SAV1: variants seen among roughly 807,000 people sequenced by gnomAD.
SAV1 encodes protein salvador homolog 1.
In SAV1, 23 loss-of-function variants were observed where a neutral mutation model predicts 47.3. The observed-to-expected ratio is 0.49, with a 90% CI of 0.35 to 0.69. SAV1 has a LOEUF of 0.69. Among genes scored for constraint, SAV1 ranks in the 30% least tolerant of loss-of-function variants. SAV1 has a pLI of 0.01. For synonymous variants in SAV1, 155 were observed against 159.2 expected (o/e 0.97, Z 0.20); for missense variants, 448 against 457.4 (o/e 0.98, Z 0.19).
chr14:50,645,550 G>A (rs1253890808), intron 2 of SAV1, among the ~76,000 whole-genome samples: 7 of 151,564 alleles, frequency 4.6e-5, no homozygotes, highest in Non-Finnish European at 7.4e-5. Flanking sequence ...ATCTTATTAT[G>A]TACATACAAA....
At position 50,635,275 on chromosome 14, in the gene SAV1, A is replaced by G; in HGVS notation, c.1060T>C (p.Tyr354His). ...MKELEQIVKM[Y>H]EAYRQALLTE... ...AGAAGGGCTTGTCTGTATGCTTCAT[A>G]CATTTTAACAATCTGCTCCAATTCT... is the stretch of plus-strand genomic sequence containing the variant. Residue 354 changes from tyrosine (Y) to histidine (H), a missense_variant, in exon 5 of 5, where the codon TAT becomes CAT. Transcript: ENST00000324679. The G allele has an allele frequency of 2.5e-6, 4 of 1,614,164 alleles. No individual in the cohort carries two copies. The highest frequency in any genetic ancestry group is 3.4e-6 in the Non-Finnish European group (4 of 1,180,012).
At chr14:50,657,116 C>T (rs1482532771) in intron 2 of SAV1, among the ~76,000 whole-genome samples, 1 of 151,386 alleles carries the variant, frequency 6.6e-6, no homozygotes, top group Admixed American at 6.6e-5. Context: ...ACCCTCCACA[C>T]CGCGGGTTCC....
At chr14:50,651,958 T>G (rs185994306) in intron 2 of SAV1, among the ~76,000 whole-genome samples, 1 of 152,172 alleles carries the variant, frequency 6.6e-6, no homozygotes, top group African/African-American at 2.4e-5. Flanking sequence ...TACTTCCTCA[T>G]CGGGAAATAT....
intron 2 of SAV1, among the ~76,000 whole-genome samples, chr14:50,646,424 G>A (rs576155925): frequency 1.3e-5 from 2 of 152,222 alleles, no homozygotes; most frequent in South Asian, 2.1e-4. Context: ...AGTGGCTCAC[G>A]CCTGTAATCC....
intron 4 of SAV1, 43 bp from the exon 5 acceptor site, chr14:50,635,427 TAAAC>T: frequency 2.1e-6 from 3 of 1,433,722 alleles, no homozygotes; most frequent in Non-Finnish European, 2.9e-6. Context: ...AACACATACA[TAAAC>T]ATGTATTTCT....
chr14:50,655,744 T>G (rs954981143), intron 2 of SAV1, among the ~76,000 whole-genome samples: 2 of 152,024 alleles, frequency 1.3e-5, no homozygotes, highest in Non-Finnish European at 2.9e-5. Flanking sequence ...AAAGCCTTTA[T>G]AGTAATTAAA....
chr14:50,648,915 G>C (rs1239855166), intron 2 of SAV1, among the ~76,000 whole-genome samples: 2 of 152,080 alleles, frequency 1.3e-5, no homozygotes, highest in African/African-American at 2.4e-5. Context: ...CTTGATATTT[G>C]GTACAAGTTA....
intron 1 of SAV1, chr14:50,667,378 T>C (rs767401205): frequency 4.4e-6 from 2 of 455,682 alleles, no homozygotes; most frequent in Non-Finnish European, 8.8e-6. Context: ...GGTATGCTTT[T>C]CACCTTCTCA....
At chr14:50,667,804 G>GC in intron 1 of SAV1, 70 bp downstream of exon 1, 1 of 1,267,650 alleles carries the variant, frequency 7.9e-7, no homozygotes, top group Non-Finnish European at 1.1e-6. Flanking sequence ...ACCCGCCGGC[G>GC]CCCCCGCCAG....
intron 4 of SAV1, among the ~76,000 whole-genome samples, chr14:50,639,328 T>A (rs1460387096): frequency 1.3e-5 from 2 of 149,470 alleles, no homozygotes; most frequent in African/African-American, 5.0e-5. Flanking sequence ...AACATGCAAA[T>A]TTTTTTTGCA....
At chr14:50,647,614 A>AG (rs564395886) in intron 2 of SAV1, among the ~76,000 whole-genome samples, 2 of 152,212 alleles carry the variant, frequency 1.3e-5, no homozygotes, top group Admixed American at 1.3e-4. Context: ...GTTAAAAAAA[A>AG]GGGGGGTAAG....
rs2039922938 is a variant in SAV1 at position 50,668,252 on chromosome 14, CG to C, written c.-286del. On this transcript the variant is annotated 5_prime_UTR_variant, in exon 1 of 5. An upstream open reading frame in the 5' UTR gains an earlier in-frame stop. Transcript: ENST00000324679. Reference sequence around the variant, plus strand: ...CGCCGTGAGGAAAGCCCAGCGACGCCGGGCCAGGGCCAGGGCCATGGTCCGC... The same window carrying C: ...CGCCGTGAGGAAAGCCCAGCGACGCCGGCCAGGGCCAGGGCCATGGTCCGC... 1 of 182,312 alleles carries C rather than the reference CG, an allele frequency of 5.5e-6. No homozygotes were observed. Among genetic ancestry groups the C allele is most frequent in the Non-Finnish European group, 1.1e-5 (1 of 88,524 alleles). The allele number at this position is 182,312 out of a possible 1,614,324, so 11.3% of individuals were successfully genotyped here. A position where few individuals can be genotyped will look rare whatever the true frequency, so the allele number is the denominator to read the frequency against.
At chr14:50,664,700 G>A (rs2039886141) in intron 2 of SAV1, 1 of 152,218 alleles carries the variant, frequency 6.6e-6, no homozygotes, top group Admixed American at 6.5e-5. Flanking sequence ...ACTTTTTGTT[G>A]AGAAAAAGGG....
intron 4 of SAV1, among the ~76,000 whole-genome samples, chr14:50,638,694 G>GGT (rs937782457): frequency 2.0e-5 from 3 of 152,106 alleles, no homozygotes; most frequent in African/African-American, 4.8e-5. Context: ...CTAGTGTTTT[G>GGT]GTGTGTGTGT....
At chr14:50,667,573 T>C (rs1034870840) in intron 1 of SAV1, 18 of 497,276 alleles carry the variant, frequency 3.6e-5, no homozygotes, top group African/African-American at 3.3e-4. Context: ...AATTTAAATG[T>C]TTCCTACTCT....
At chr14:50,636,810 CAAAG>C (rs1776614415) in intron 4 of SAV1, among the ~76,000 whole-genome samples, 1 of 152,166 alleles carries the variant, frequency 6.6e-6, no homozygotes, top group Admixed American at 6.5e-5. Flanking sequence ...TAAGACTAGA[CAAAG>C]AACTTGAATT....
At chr14:50,651,074 C>T (rs918997384) in intron 2 of SAV1, among the ~76,000 whole-genome samples, 4 of 148,598 alleles carry the variant, frequency 2.7e-5, no homozygotes, top group Non-Finnish European at 4.5e-5. Flanking sequence ...AGCGAAGCTT[C>T]GGATAACTGC....
chr14:50,638,673 AC>A (rs2039657201), intron 4 of SAV1, among the ~76,000 whole-genome samples: 1 of 152,190 alleles, frequency 6.6e-6, no homozygotes, highest in African/African-American at 2.4e-5. Flanking sequence ...CCTGCCACAC[AC>A]TGCTGAGGAC....
intron 2 of SAV1, among the ~76,000 whole-genome samples, chr14:50,648,939 A>G (rs1183405449): frequency 6.6e-6 from 1 of 152,100 alleles, no homozygotes; most frequent in Non-Finnish European, 1.5e-5. Context: ...TTACTGTCTC[A>G]TTACTTGATG....
Sources: gnomAD v4.1 joint callset for allele counts (sites outside exome capture counted in the v4.1 genomes callset) on GRCh38, gnomAD v4.1.1 for gene constraint, MANE v1.5 for transcripts, NCBI Gene and HGNC (gene_info 2026-07-23, HGNC 2026-07-21) for gene names.